Variants in STMN2 observed in about 807,000 individuals in gnomAD.
STMN2 encodes stathmin-2.
In STMN2, 2 loss-of-function variants were observed where a neutral mutation model predicts 24.1. The observed-to-expected ratio is 0.08, with a 90% confidence interval of 0.03 to 0.26. STMN2 has a LOEUF of 0.26. Ranked by LOEUF, STMN2 falls within the 10% of genes least tolerant of loss-of-function variation. STMN2 has a pLI of 1.00. For synonymous variants in STMN2, 83 were observed against 77.5 expected (o/e 1.07, Z -0.37); for missense variants, 114 against 213.6 (o/e 0.53, Z 2.91).
intron 1 of STMN2, among the ~76,000 whole-genome samples, chr8:79,615,222 G>A (rs372161247): frequency 6.6e-6 from 1 of 152,136 alleles, no homozygotes; most frequent in Non-Finnish European, 1.5e-5. Context: ...GGAAAATTCC[G>A]GATTTATCAA....
Position 79,649,795 on chromosome 8 carries a change from T to C in STMN2, c.289-5076T>C, listed in dbSNP as rs191326486. On this transcript the variant is annotated intron_variant, in intron 3 of 4. Coordinates refer to ENST00000220876, the MANE Select transcript of STMN2 (RefSeq NM_007029.4). ...AAGTAAAATGAGTTTTATGTACTAG[T>C]TACTCAAATTTATCTTCCACTCCAT... Among the ~76,000 whole-genome samples, 80 of 152,344 alleles carry C rather than the reference T, an allele frequency of 5.3e-4. 1 individual carries two copies. Among genetic ancestry groups the C allele is most frequent in the African/African-American group, 1.8e-3 (73 of 41,580 alleles).
chr8:79,655,720 C>T (rs946137877), intron 4 of STMN2, among the ~76,000 whole-genome samples: 1 of 152,162 alleles, frequency 6.6e-6, no homozygotes, highest in African/African-American at 2.4e-5. Flanking sequence ...CTGTCTTTCA[C>T]TTTTGTACTC....
chr8:79,624,453 CAAAAA>C (rs1011493193), intron 1 of STMN2, among the ~76,000 whole-genome samples: 15 of 45,130 alleles, frequency 3.3e-4, no homozygotes, highest in East Asian at 1.4e-3. Flanking sequence ...GACTCCGTCT[CAAAAA>C]AAAAAAAAAA....
chr8:79,637,181 T>G (rs542524224), intron 2 of STMN2, among the ~76,000 whole-genome samples: 3 of 152,220 alleles, frequency 2.0e-5, no homozygotes, highest in Non-Finnish European at 4.4e-5. Context: ...AGGTCTTTCT[T>G]TGCAAATAAT....
At chr8:79,615,202 G>A (rs1809355604) in intron 1 of STMN2, among the ~76,000 whole-genome samples, 2 of 152,150 alleles carry the variant, frequency 1.3e-5, no homozygotes, top group South Asian at 4.1e-4. Flanking sequence ...ATAAATTCAG[G>A]CCATCTTTAG....
intron 1 of STMN2, among the ~76,000 whole-genome samples, chr8:79,622,558 A>G (rs1009226778): frequency 1.3e-5 from 2 of 152,224 alleles, no homozygotes; most frequent in East Asian, 1.9e-4. Flanking sequence ...ATAATGCCAG[A>G]ATTTAATAGT....
At chr8:79,648,453 C>CCT (rs1810262878) in intron 3 of STMN2, among the ~76,000 whole-genome samples, 2 of 97,914 alleles carry the variant, frequency 2.0e-5, no homozygotes, top group South Asian at 3.8e-4. Context: ...ATATACGTTG[C>CCT]TTTTTTTTTT....
intron 4 of STMN2, chr8:79,663,764 CAGT>C: frequency 1.0e-6 from 1 of 957,172 alleles, no homozygotes; most frequent in Admixed American, 3.1e-5. Context: ...ATATGCAAGA[CAGT>C]TTGATTTTAG....
rs1263207690 is a variant in STMN2, at chr8:79,641,535, A to G, written c.273A>G (p.Ala91=). The change falls in exon 3 of 5, where the codon GCA becomes GCG. Residue 91 remains alanine (A), a synonymous_variant. Transcript: ENST00000220876. ...AGATCCAGAAGAAACTGGAGGCTGC[A>G]GAGGAAAGAAGAAAGGTAACTTTTT... is the stretch of plus-strand genomic sequence containing the variant. ...LEEIQKKLEA[A]EERRKSQEAQ... The G allele has an allele frequency of 3.1e-6, 5 of 1,612,000 alleles. No homozygotes were observed. Among genetic ancestry groups the G allele is most frequent in the South Asian group, 1.1e-5 (1 of 90,846 alleles).
chr8:79,614,963 T>C (rs1203117237), intron 1 of STMN2, among the ~76,000 whole-genome samples: 1 of 152,230 alleles, frequency 6.6e-6, no homozygotes, highest in East Asian at 1.9e-4. Flanking sequence ...TAAAAAATGC[T>C]ACAAGAGGCT....
At chr8:79,624,585 AAAG>A (rs778947323) in intron 1 of STMN2, among the ~76,000 whole-genome samples, 4 of 152,228 alleles carry the variant, frequency 2.6e-5, no homozygotes, top group Admixed American at 6.5e-5. Flanking sequence ...CTCATTGCAA[AAAG>A]AAGATGTCAC....
At chr8:79,658,316 AG>A (rs1806420805) in intron 4 of STMN2, among the ~76,000 whole-genome samples, 1 of 152,190 alleles carries the variant, frequency 6.6e-6, no homozygotes, top group Non-Finnish European at 1.5e-5. Context: ...TAAAATAAAA[AG>A]AAAAAAAAAG....
rs1307768519 is a variant in STMN2, at chr8:79,664,943, A to G, written c.*69A>G. On this transcript the variant is annotated 3_prime_UTR_variant, in exon 5 of 5. Coordinates refer to ENST00000220876, the MANE Select transcript of STMN2 (RefSeq NM_007029.4). Reference sequence around the variant, plus strand: ...TGCCTATATTATAATGGATCATGCGATATCAGGATGGGGAATGTATGACAT... The same window carrying G: ...TGCCTATATTATAATGGATCATGCGGTATCAGGATGGGGAATGTATGACAT... 7 of 1,393,278 alleles carry G rather than the reference A, an allele frequency of 5.0e-6. No homozygotes were observed. In the African/African-American group the frequency reaches 1.0e-4, roughly 20 times the overall value. 86.3% of individuals were successfully genotyped at this position (1,393,278 alleles called of 1,614,324 possible).
chr8:79,642,403 A>C (rs1463660129), intron 3 of STMN2, among the ~76,000 whole-genome samples: 1 of 152,194 alleles, frequency 6.6e-6, no homozygotes, highest in Non-Finnish European at 1.5e-5. Flanking sequence ...CAAGGTACTC[A>C]CGATCATCCA....
At chr8:79,647,931 G>A (rs764659231) in intron 3 of STMN2, among the ~76,000 whole-genome samples, 25 of 152,204 alleles carry the variant, frequency 1.6e-4, no homozygotes, top group Non-Finnish European at 2.4e-4. Context: ...TATTTAGCAA[G>A]AGGCAGCAGA....
At chr8:79,648,596 G>A (rs1810268105) in intron 3 of STMN2, among the ~76,000 whole-genome samples, 1 of 151,228 alleles carries the variant, frequency 6.6e-6, no homozygotes, top group Admixed American at 6.6e-5. Context: ...CCAAGTAGCT[G>A]GGATTATAGG....
At position 79,629,399 on chromosome 8, in the gene STMN2, A is replaced by C. The variant is rs145152291; in HGVS notation, c.20-7403A>C. On this transcript the variant is annotated intron_variant, in intron 1 of 4. Coordinates refer to ENST00000220876, the MANE Select transcript of STMN2 (RefSeq NM_007029.4). Reference sequence around the variant, plus strand: ...GCTTGTCATTCAGGAGGAAACTCTTAACTAACTGTTCAGTTTTTGTTCACT... The same window carrying C: ...GCTTGTCATTCAGGAGGAAACTCTTCACTAACTGTTCAGTTTTTGTTCACT... Among the ~76,000 whole-genome samples the C allele has an allele frequency of 1.1e-3, 172 of 152,326 alleles. 1 individual carries two copies. Among genetic ancestry groups the C allele is most frequent in the African/African-American group, 3.4e-3 (142 of 41,578 alleles).
chr8:79,619,013 G>A (rs1480518460), intron 1 of STMN2, among the ~76,000 whole-genome samples: 1 of 151,720 alleles, frequency 6.6e-6, no homozygotes, highest in Non-Finnish European at 1.5e-5. Context: ...TTCTCATAGA[G>A]CACATTTAAA....
chr8:79,661,835 A>G lies in STMN2; in HGVS notation c.481-2980A>G, dbSNP rs637703. On this transcript the variant is annotated intron_variant, in intron 4 of 4. Coordinates refer to ENST00000220876, the MANE Select transcript of STMN2 (RefSeq NM_007029.4). ...CCCCTGATCACCAACATCTCAATGT[A>G]TGAACATGTGCTTTCTTAGCTCACA... 7.7e-3 allele frequency among the ~76,000 whole-genome samples: 1,166 copies of G among 152,214 alleles called. 16 individuals carry two copies. The highest frequency in any genetic ancestry group is 0.011 in the Non-Finnish European group (725 of 67,946).
Sources: allele counts gnomAD v4.1 joint callset (sites outside exome capture counted in the v4.1 genomes callset), GRCh38; gene constraint gnomAD v4.1.1; transcripts MANE v1.5; gene names NCBI Gene and HGNC (gene_info 2026-07-23, HGNC 2026-07-21).